SLC25A16: variants seen among roughly 807,000 people sequenced by gnomAD.
The protein encoded by SLC25A16 is mitochondrial coenzyme A transporter SLC25A16.
A neutral mutation model predicts 41.5 loss-of-function variants in SLC25A16; 39 were observed. That is an observed-to-expected ratio of 0.94 (90% CI 0.73 to 1.23). SLC25A16 has a LOEUF of 1.23. SLC25A16 is among the 50% of genes most tolerant of loss of function. The probability of loss-of-function intolerance (pLI) is 0.00; values close to 1 mark genes in which losing one functional copy is unlikely to be tolerated. For missense variants in SLC25A16, 421 were observed against 426.9 expected, an observed-to-expected ratio of 0.99 and a Z score of 0.12; for synonymous variants, 146 against 147.8, an observed-to-expected ratio of 0.99 and a Z score of 0.09.
At position 68,522,853 on chromosome 10, in the gene SLC25A16, T is replaced by C. The variant is rs938538514; in HGVS notation, c.130+4393A>G. 2.1e-5 allele frequency among the ~76,000 whole-genome samples: 3 copies of C among 144,972 alleles called. No individual in the cohort carries two copies. In the South Asian group the frequency reaches 6.6e-4, roughly 32 times the overall value. On this transcript the variant is annotated intron_variant, in intron 1 of 8. Transcript: ENST00000609923. ...AAAAAAAAAAATTAGCCAGAAGTGG[T>C]GGCACCCACCGGTAGTCCCAGCTAC...
At chr10:68,496,763 G>T in intron 4 of SLC25A16, 1 of 822,576 alleles carries the variant, frequency 1.2e-6, no homozygotes, top group Non-Finnish European at 1.5e-6. Context: ...TAGAAAGTAT[G>T]GTAATTATGA....
At chr10:68,502,555 G>A (rs112975990) in intron 4 of SLC25A16, among the ~76,000 whole-genome samples, 32 of 151,092 alleles carry the variant, frequency 2.1e-4, no homozygotes, top group African/African-American at 7.5e-4. Flanking sequence ...CATGACAAAT[G>A]CCCGTCTCTA....
intron 4 of SLC25A16, among the ~76,000 whole-genome samples, chr10:68,500,807 C>T (rs988052761): frequency 4.7e-5 from 7 of 150,398 alleles, no homozygotes; most frequent in Non-Finnish European, 7.4e-5. Flanking sequence ...GGCACGTGCC[C>T]GTAATCCCAG....
Position 68,527,511 on chromosome 10 carries a change from G to A in SLC25A16, c.-136C>T, listed in dbSNP as rs988424941. ...AGTAACACCCGGCGGCGCGGCGCCG[G>A]CTGATGGCGTACAGCAAGGGCGGGG... is the stretch of plus-strand genomic sequence containing the variant. On this transcript the variant is annotated 5_prime_UTR_variant, in exon 1 of 9. Transcript: ENST00000609923. 1.4e-5 allele frequency: 11 copies of A among 808,766 alleles called. No homozygotes were observed. The Admixed American group carries it at 3.6e-4, about 26-fold the overall frequency. The allele number at this position is 808,766 out of a possible 1,614,324, so 50.1% of individuals were successfully genotyped here. A position where few individuals can be genotyped will look rare whatever the true frequency, so the allele number is the denominator to read the frequency against.
chr10:68,491,190 T>G (rs2133504168), intron 6 of SLC25A16, among the ~76,000 whole-genome samples: 1 of 152,076 alleles, frequency 6.6e-6, no homozygotes, highest in South Asian at 2.1e-4. Context: ...CACCACATTT[T>G]AGTTTGCTAT....
At chr10:68,519,857 G>C (rs1009914556) in intron 1 of SLC25A16, among the ~76,000 whole-genome samples, 2 of 151,714 alleles carry the variant, frequency 1.3e-5, no homozygotes, top group Non-Finnish European at 2.9e-5. Flanking sequence ...ATAGGTGGCA[G>C]TGAGCCGAGA....
In SLC25A16 at chr10:68,506,462, C is replaced by A. The variant is rs569348349; in HGVS notation, c.357+123G>T. ...TGTCTCAAAAATTAAAAAAAAAAAACCAATAATTTAACTTTTTAAAAATAT... is the reference window on the plus strand; with the variant it reads ...TGTCTCAAAAATTAAAAAAAAAAAAACAATAATTTAACTTTTTAAAAATAT... On this transcript the variant is annotated intron_variant, in intron 3 of 8. Coordinates refer to ENST00000609923, the MANE Select transcript of SLC25A16 (RefSeq NM_152707.4). The A allele has an allele frequency of 9.7e-3, 5,808 of 597,164 alleles. 238 individuals carry two copies. The African/African-American group carries it at 0.11, about 11-fold the overall frequency. The allele number at this position is 597,164 out of a possible 1,614,324, so 37.0% of individuals were successfully genotyped here.
Position 68,481,882 on chromosome 10 carries a change from G to C in SLC25A16, c.*1550C>G, listed in dbSNP as rs1218494749. 1 of 152,226 alleles carries C rather than the reference G, an allele frequency of 6.6e-6. No homozygotes were observed. The highest frequency in any genetic ancestry group is 1.5e-5 in the Non-Finnish European group (1 of 68,092). 9.4% of individuals were successfully genotyped at this position (152,226 alleles called of 1,614,324 possible). ...GCCTCCCAAAGTGCTGGGAATAAAGGCGTGAGCCACCACACCTGGCCTTCT... is the reference window on the plus strand; with the variant it reads ...GCCTCCCAAAGTGCTGGGAATAAAGCCGTGAGCCACCACACCTGGCCTTCT... On this transcript the variant is annotated 3_prime_UTR_variant, in exon 9 of 9. Coordinates refer to ENST00000609923, the MANE Select transcript of SLC25A16 (RefSeq NM_152707.4).
intron 4 of SLC25A16, among the ~76,000 whole-genome samples, chr10:68,502,809 G>A (rs1411477144): frequency 1.9e-5 from 1 of 51,872 alleles, no homozygotes; most frequent in Non-Finnish European, 3.6e-5. Flanking sequence ...GGAGGGAAGC[G>A]GAGGGGAAAG....
intron 2 of SLC25A16, among the ~76,000 whole-genome samples, chr10:68,510,236 G>T (rs1285583984): frequency 6.6e-6 from 1 of 151,902 alleles, no homozygotes; most frequent in Non-Finnish European, 1.5e-5. Context: ...GTTTAAAAAA[G>T]CAAAATTTTT....
chr10:68,493,351 T>C, intron 5 of SLC25A16, 98 bp downstream of exon 5: 1 of 1,186,178 alleles, frequency 8.4e-7, no homozygotes, highest in Non-Finnish European at 1.2e-6. Context: ...TTAACATCAA[T>C]AATTATAAGT....
At chr10:68,486,079 G>A (rs1282843093) in intron 8 of SLC25A16, among the ~76,000 whole-genome samples, 1 of 151,118 alleles carries the variant, frequency 6.6e-6, no homozygotes, top group Non-Finnish European at 1.5e-5. Context: ...TTAGCCAGGC[G>A]TGGTGGCAGG....
chr10:68,499,520 G>T, intron 4 of SLC25A16: 1 of 194,928 alleles, frequency 5.1e-6, no homozygotes, highest in Non-Finnish European at 1.1e-5. Context: ...CACCGAAGCA[G>T]GAGCAGCCAA....
intron 6 of SLC25A16, 133 bp from the exon 7 acceptor site, chr10:68,488,762 A>G: frequency 1.4e-6 from 1 of 732,210 alleles, no homozygotes; most frequent in Non-Finnish European, 2.2e-6. Context: ...AGATTTGTGT[A>G]CATAAATAAC....
intron 7 of SLC25A16, among the ~76,000 whole-genome samples, chr10:68,487,958 A>G (rs955397336): frequency 6.6e-6 from 1 of 151,990 alleles, no homozygotes; most frequent in Non-Finnish European, 1.5e-5. Flanking sequence ...GGTTCAAGCA[A>G]TTCTCTGCCT....
chr10:68,499,241 A>T (rs983002733), intron 4 of SLC25A16, among the ~76,000 whole-genome samples: 2 of 152,184 alleles, frequency 1.3e-5, no homozygotes, highest in Non-Finnish European at 2.9e-5. Flanking sequence ...GCCAGGCAGG[A>T]TCCCAGCAAG....
chr10:68,497,399 C>G (rs2052766498), intron 4 of SLC25A16, among the ~76,000 whole-genome samples: 1 of 152,146 alleles, frequency 6.6e-6, no homozygotes, highest in South Asian at 2.1e-4. Flanking sequence ...GTTACTACTT[C>G]AAGGTTGACT....
chr10:68,502,224 A>G (rs1440030101), intron 4 of SLC25A16, among the ~76,000 whole-genome samples: 1 of 152,106 alleles, frequency 6.6e-6, no homozygotes, highest in Non-Finnish European at 1.5e-5. Context: ...AAAAAAAAAG[A>G]AAAAGTAAAA....
chr10:68,505,730 G>A (rs900646561), intron 3 of SLC25A16, among the ~76,000 whole-genome samples: 3 of 151,908 alleles, frequency 2.0e-5, no homozygotes, highest in South Asian at 4.1e-4. Context: ...GTGAAACTCC[G>A]TCTGAAAAAA....
Sources: allele counts gnomAD v4.1 joint callset (sites outside exome capture counted in the v4.1 genomes callset), GRCh38; gene constraint gnomAD v4.1.1; transcripts MANE v1.5; gene names NCBI Gene and HGNC (gene_info 2026-07-23, HGNC 2026-07-21).